CDH12: variants seen among roughly 807,000 people sequenced by gnomAD.
CDH12 encodes cadherin 12, also known as cadherin-12.
A neutral mutation model predicts 74.1 loss-of-function variants in CDH12; 41 were observed. That is an observed-to-expected ratio of 0.55 (90% confidence interval 0.43 to 0.72). The LOEUF is 0.72. Among genes scored for constraint, CDH12 ranks in the 30% least tolerant of loss-of-function variants. CDH12 has a pLI of 0.00. For synonymous variants in CDH12, 399 were observed against 355.0 expected (o/e 1.12, Z -1.39); for missense variants, 945 against 977.2 (o/e 0.97, Z 0.44).
intron 1 of CDH12, among the ~76,000 whole-genome samples, chr5:22,675,446 T>C (rs1461506659): frequency 2.0e-5 from 3 of 152,206 alleles, no homozygotes; most frequent in African/African-American, 4.8e-5. Flanking sequence ...GCTGCAGGGC[T>C]GGGGCCCTCA....
At chr5:22,363,524 CACAGCTAATCTCT>C (rs1402845094) in intron 3 of CDH12, among the ~76,000 whole-genome samples, 1 of 152,180 alleles carries the variant, frequency 6.6e-6, no homozygotes, top group Non-Finnish European at 1.5e-5. Context: ...CAACCTTTTA[CACAGCTAATCTCT>C]ACTGATTGAA....
intron 4 of CDH12, among the ~76,000 whole-genome samples, chr5:22,109,496 T>A (rs1744690737): frequency 1.3e-5 from 2 of 152,220 alleles, no homozygotes; most frequent in Non-Finnish European, 2.9e-5. Context: ...TTTACTGCTG[T>A]CACTATGAGT....
At chr5:22,766,292 A>T (rs546363657) in intron 1 of CDH12, among the ~76,000 whole-genome samples, 1 of 152,226 alleles carries the variant, frequency 6.6e-6, no homozygotes, top group South Asian at 2.1e-4. Context: ...ACAGGTGCAC[A>T]AAGACATGCA....
At chr5:22,264,090 A>G (rs1753621511) in intron 3 of CDH12, among the ~76,000 whole-genome samples, 1 of 151,450 alleles carries the variant, frequency 6.6e-6, no homozygotes, top group African/African-American at 2.4e-5. Context: ...TCTATTATAT[A>G]TTTATTTAAA....
chr5:21,817,174 A>G lies in CDH12; in HGVS notation c.815-42T>C, dbSNP rs761924989. The G allele has an allele frequency of 1.7e-5, 23 of 1,352,600 alleles. No individual in the cohort carries two copies. The South Asian group carries it at 2.9e-4, about 17-fold the overall frequency. The allele number at this position is 1,352,600 out of a possible 1,614,324, so 83.8% of individuals were successfully genotyped here. ...AATTTGAATTGACAGTGGGGTTAGT[A>G]AGAGATATAGTAAGATTACAAGGCT... On this transcript the variant is annotated intron_variant, in intron 8 of 14. Coordinates refer to ENST00000382254, the MANE Select transcript of CDH12 (RefSeq NM_004061.5).
chr5:22,850,285 G>A (rs975208125), intron 1 of CDH12, among the ~76,000 whole-genome samples: 1 of 151,920 alleles, frequency 6.6e-6, no homozygotes, highest in Non-Finnish European at 1.5e-5. Flanking sequence ...TCCTTTTAAA[G>A]TTTGGTTATG....
chr5:21,884,662 A>C (rs1752534495), intron 6 of CDH12, among the ~76,000 whole-genome samples: 1 of 152,210 alleles, frequency 6.6e-6, no homozygotes, highest in Non-Finnish European at 1.5e-5. Context: ...TGCCACCACC[A>C]GATGAGAAGT....
intron 1 of CDH12, among the ~76,000 whole-genome samples, chr5:22,613,288 A>G (rs1404119890): frequency 6.6e-6 from 1 of 152,160 alleles, no homozygotes; most frequent in African/African-American, 2.4e-5. Context: ...TCAGAAAAAG[A>G]GAAGATAATT....
At chr5:21,919,338 T>A (rs750100334) in intron 6 of CDH12, among the ~76,000 whole-genome samples, 4 of 152,208 alleles carry the variant, frequency 2.6e-5, no homozygotes, top group Admixed American at 6.5e-5. Flanking sequence ...AAATATTATG[T>A]ACCAAAACTC....
At chr5:22,657,259 T>G (rs987581662) in intron 1 of CDH12, among the ~76,000 whole-genome samples, 1 of 152,106 alleles carries the variant, frequency 6.6e-6, no homozygotes, top group African/African-American at 2.4e-5. Flanking sequence ...TAAGCATTGA[T>G]TGGAAATGGG....
chr5:21,857,161 T>C lies in CDH12; in HGVS notation c.527-2371A>G, dbSNP rs527829713. ...GCTTGGATAGCACACCAGCTGTTCC[T>C]GACACTATTAAACACTAAATACCCA... On this transcript the variant is annotated intron_variant, in intron 6 of 14. Transcript: ENST00000382254. Among the ~76,000 whole-genome samples, 11 of 151,984 alleles carry C rather than the reference T, an allele frequency of 7.2e-5. 1 individual carries two copies.
At chr5:22,457,958 T>C (rs981954869) in intron 2 of CDH12, among the ~76,000 whole-genome samples, 2 of 152,218 alleles carry the variant, frequency 1.3e-5, no homozygotes, top group South Asian at 4.1e-4. Context: ...TTGGCCAGGC[T>C]GGTCTCGAAC....
intron 1 of CDH12, among the ~76,000 whole-genome samples, chr5:22,784,306 A>ACCCCTGC: frequency 6.6e-6 from 1 of 152,138 alleles, no homozygotes; most frequent in South Asian, 2.1e-4. Flanking sequence ...AAAGTTTAGT[A>ACCCCTGC]TTCTTGATAG....
At chr5:22,273,220 G>A (rs898017230) in intron 3 of CDH12, among the ~76,000 whole-genome samples, 1 of 152,054 alleles carries the variant, frequency 6.6e-6, no homozygotes, top group Non-Finnish European at 1.5e-5. Context: ...AAAAATCACT[G>A]ATCACAGATT....
chr5:22,567,162 C>T (rs576375211), intron 1 of CDH12, among the ~76,000 whole-genome samples: 25 of 152,228 alleles, frequency 1.6e-4, no homozygotes, highest in Non-Finnish European at 3.1e-4. Context: ...ATAGCAGCTA[C>T]GCATCAAAGT....
At chr5:22,621,259 C>G (rs1381570629) in intron 1 of CDH12, among the ~76,000 whole-genome samples, 1 of 152,120 alleles carries the variant, frequency 6.6e-6, no homozygotes, top group African/African-American at 2.4e-5. Context: ...ATCTTTCCAG[C>G]ACGAGTTCTG....
intron 6 of CDH12, among the ~76,000 whole-genome samples, chr5:21,909,573 C>T (rs972938501): frequency 6.6e-6 from 1 of 152,142 alleles, no homozygotes; most frequent in Admixed American, 6.6e-5. Context: ...CTCAAACCAA[C>T]TACATTTCAC....
At chr5:22,122,053 TGTTA>T (rs1356719215) in intron 4 of CDH12, among the ~76,000 whole-genome samples, 1 of 152,236 alleles carries the variant, frequency 6.6e-6, no homozygotes, top group African/African-American at 2.4e-5. Context: ...TATTAGGTCA[TGTTA>T]GTTCTCTGCT....
intron 3 of CDH12, among the ~76,000 whole-genome samples, chr5:22,294,211 T>C (rs1737526173): frequency 6.6e-6 from 1 of 152,148 alleles, no homozygotes; most frequent in Admixed American, 6.5e-5. Context: ...AAACACATGA[T>C]AGAGCAAGGA....
Sources: allele counts gnomAD v4.1 joint callset (sites outside exome capture counted in the v4.1 genomes callset), GRCh38; gene constraint gnomAD v4.1.1; transcripts MANE v1.5; gene names NCBI Gene and HGNC (gene_info 2026-07-23, HGNC 2026-07-21).